The following CADM2 variants were observed in gnomAD, a reference collection of about 807,000 sequenced individuals.
CADM2 encodes cell adhesion molecule 2.
In CADM2, 12 loss-of-function variants were observed where a neutral mutation model predicts 49.8. The observed-to-expected ratio is 0.24, with a 90% confidence interval of 0.15 to 0.39. The LOEUF (loss-of-function observed/expected upper bound fraction) is 0.39. Ranked by LOEUF, CADM2 falls within the 10% of genes least tolerant of loss-of-function variation. The pLI, the probability that CADM2 is intolerant of heterozygous loss-of-function variation, is 1.00. For synonymous variants in CADM2, 214 were observed against 175.4 expected (o/e 1.22, Z -1.74); for missense variants, 378 against 492.3 (o/e 0.77, Z 2.20).
At chr3:85,173,153 C>A (rs572891109) in intron 1 of CADM2, among the ~76,000 whole-genome samples, 1 of 150,890 alleles carries the variant, frequency 6.6e-6, no homozygotes, top group South Asian at 2.1e-4. Context: ...CGCCACCATG[C>A]CTGGCTAATT....
rs58580506 is a variant in CADM2 at position 85,212,416 on chromosome 3, G to T, written c.61+252748G>T. 6.4e-3 allele frequency among the ~76,000 whole-genome samples: 977 copies of T among 151,868 alleles called. 14 individuals are homozygous for T. Among genetic ancestry groups the T allele is most frequent in the African/African-American group, 0.022 (912 of 41,424 alleles). ...TTCTCCAGTGGCATGTTTTATTCTT[G>T]CTTTTGATTTTTTATATATCTGTTG... On this transcript the variant is annotated intron_variant, in intron 1 of 9. Coordinates refer to ENST00000383699, the MANE Select transcript of CADM2 (RefSeq NM_001167675.2).
chr3:85,857,032 A>G (rs2108309896), intron 3 of CADM2, among the ~76,000 whole-genome samples: 1 of 152,190 alleles, frequency 6.6e-6, no homozygotes, highest in East Asian at 1.9e-4. Flanking sequence ...GGAGTTTAAA[A>G]TCAGGGCAAC....
intron 1 of CADM2, among the ~76,000 whole-genome samples, chr3:85,079,789 C>T (rs991047275): frequency 3.3e-5 from 5 of 151,758 alleles, no homozygotes; most frequent in East Asian, 3.9e-4. Flanking sequence ...TTAAATTTTA[C>T]GTATATTTGT....
chr3:85,353,055 T>G (rs1263834352), intron 1 of CADM2, among the ~76,000 whole-genome samples: 1 of 152,178 alleles, frequency 6.6e-6, no homozygotes, highest in Non-Finnish European at 1.5e-5. Flanking sequence ...ATTCACTTGA[T>G]CTGTAGAGTG....
chr3:85,735,640 T>C (rs1278808688), intron 2 of CADM2, among the ~76,000 whole-genome samples: 1 of 152,132 alleles, frequency 6.6e-6, no homozygotes, highest in Non-Finnish European at 1.5e-5. Flanking sequence ...AATGTGATTA[T>C]AATAGGATGA....
chr3:85,291,985 T>C (rs1157191024), intron 1 of CADM2, among the ~76,000 whole-genome samples: 17 of 152,024 alleles, frequency 1.1e-4, no homozygotes, highest in African/African-American at 3.4e-4. Context: ...TTAAAAGACA[T>C]AGACTGGCAA....
intron 3 of CADM2, among the ~76,000 whole-genome samples, chr3:85,824,763 G>C (rs1018886363): frequency 6.6e-6 from 1 of 152,054 alleles, no homozygotes; most frequent in Non-Finnish European, 1.5e-5. Context: ...ATCCTGTATG[G>C]AGCAAGGTCA....
rs2068683816 is a variant in CADM2, at chr3:85,747,857, G to T, written c.88+21309G>T. Among the ~76,000 whole-genome samples, 5 of 152,202 alleles carry T rather than the reference G, an allele frequency of 3.3e-5. No individual in the cohort carries two copies. In the Middle Eastern group the frequency reaches 0.014, roughly 414 times the overall value. ...ATATTACTCATTTTGACAATGAGGA[G>T]CAGTTTCTGAATGAATTATGTGCTG... is the stretch of plus-strand genomic sequence containing the variant. On this transcript the variant is annotated intron_variant, in intron 2 of 9. Transcript: ENST00000383699.
intron 1 of CADM2, among the ~76,000 whole-genome samples, chr3:84,994,109 A>G (rs2033048265): frequency 1.3e-5 from 2 of 152,100 alleles, no homozygotes; most frequent in African/African-American, 4.8e-5. Context: ...GATAATTCAA[A>G]TGGCTTCTTT....
intron 1 of CADM2, among the ~76,000 whole-genome samples, chr3:85,545,667 C>T (rs1044241298): frequency 6.6e-6 from 1 of 152,084 alleles, no homozygotes; most frequent in Non-Finnish European, 1.5e-5. Flanking sequence ...TTTGATGCAT[C>T]CAATATGGAC....
chr3:85,447,053 A>G (rs997369270), intron 1 of CADM2, among the ~76,000 whole-genome samples: 4 of 145,384 alleles, frequency 2.8e-5, no homozygotes, highest in Non-Finnish European at 6.0e-5. Context: ...ATTGAAATAT[A>G]TATTTCACTT....
chr3:84,971,006 A>G (rs1575943583), intron 1 of CADM2, among the ~76,000 whole-genome samples: 2 of 152,136 alleles, frequency 1.3e-5, no homozygotes, highest in South Asian at 4.1e-4. Flanking sequence ...ATGGTTAAAT[A>G]TGACATATTT....
intron 5 of CADM2, among the ~76,000 whole-genome samples, chr3:85,899,795 G>A (rs573347446): frequency 9.9e-5 from 15 of 152,132 alleles, no homozygotes; most frequent in South Asian, 4.2e-4. Flanking sequence ...CACCATTTAC[G>A]GTCCTGTTTG....
intron 8 of CADM2, chr3:85,979,023 C>A: frequency 1.2e-6 from 1 of 828,230 alleles, no homozygotes; most frequent in Non-Finnish European, 1.8e-6. Context: ...AATTGTGTGA[C>A]ACAGTTTTGT....
rs189688246 is a variant in CADM2, at chr3:84,983,627, G to A, written c.61+23959G>A. On this transcript the variant is annotated intron_variant, in intron 1 of 9. Transcript: ENST00000383699. Reference sequence around the variant, plus strand: ...GGAGCCAAGCGGGGAATTAGGAAACGAAGAGAAGTGCTCTATACACAATGG... The same window carrying A: ...GGAGCCAAGCGGGGAATTAGGAAACAAAGAGAAGTGCTCTATACACAATGG... Among the ~76,000 whole-genome samples, 9 of 152,172 alleles carry A rather than the reference G, an allele frequency of 5.9e-5. No individual in the cohort carries two copies. In the East Asian group the frequency reaches 1.5e-3, roughly 26 times the overall value.
intron 1 of CADM2, among the ~76,000 whole-genome samples, chr3:85,188,864 T>A (rs1336836158): frequency 2.6e-5 from 4 of 151,694 alleles, no homozygotes; most frequent in Non-Finnish European, 4.4e-5. Context: ...ACCCCGTCTC[T>A]ACTAAAAATA....
At chr3:85,465,904 T>G (rs1277179190) in intron 1 of CADM2, among the ~76,000 whole-genome samples, 1 of 152,146 alleles carries the variant, frequency 6.6e-6, no homozygotes, top group African/African-American at 2.4e-5. Flanking sequence ...GTATGGAAAA[T>G]AGGATCTTTT....
At chr3:85,180,112 A>G (rs918953533) in intron 1 of CADM2, among the ~76,000 whole-genome samples, 1 of 152,146 alleles carries the variant, frequency 6.6e-6, no homozygotes, top group African/African-American at 2.4e-5. Flanking sequence ...AATAAAATAA[A>G]TAAGTAAAAT....
intron 1 of CADM2, among the ~76,000 whole-genome samples, chr3:85,511,283 A>G (rs868566482): frequency 6.6e-6 from 1 of 152,202 alleles, no homozygotes; most frequent in African/African-American, 2.4e-5. Flanking sequence ...TTTACCTTCT[A>G]ATTTACTAGG....
Sources: gnomAD v4.1 joint callset for allele counts (sites outside exome capture counted in the v4.1 genomes callset) on GRCh38, gnomAD v4.1.1 for gene constraint, MANE v1.5 for transcripts, NCBI Gene and HGNC (gene_info 2026-07-23, HGNC 2026-07-21) for gene names.